EIF4A3: variants seen among roughly 807,000 people sequenced by gnomAD.
The protein encoded by EIF4A3 is eukaryotic initiation factor 4A-III.
A neutral mutation model predicts 55.6 loss-of-function variants in EIF4A3; 1 was observed. The observed-to-expected ratio is 0.02, with a 90% confidence interval of 0.01 to 0.09. The LOEUF (loss-of-function observed/expected upper bound fraction) is 0.09, where lower values mean the gene tolerates loss of function less well. EIF4A3 is among the 10% of genes least tolerant of loss of function. EIF4A3 has a pLI of 1.00. For missense variants in EIF4A3, 221 were observed against 540.7 expected (o/e 0.41, Z 5.86); for synonymous variants, 194 against 196.3 (o/e 0.99, Z 0.10).
In EIF4A3 at chr17:80,138,163, G is replaced by T. The variant is rs1264235819; in HGVS notation, c.846C>A (p.Ile282=). ...YDTLTITQAV[I]FCNTKRKVDW... ...TTACCTTTCTTTTGGTGTTGCAGAA[G>T]ATGACCGCCTGAGTGATGGTCAGTG... The change falls in exon 8 of 12, where the codon ATC becomes ATA. Residue 282 remains isoleucine, a synonymous_variant. Coordinates refer to ENST00000649764, the MANE Select transcript of EIF4A3 (RefSeq NM_014740.4). 1 of 1,614,056 alleles carries T rather than the reference G, an allele frequency of 6.2e-7. No homozygotes were observed. Among genetic ancestry groups the T allele is most frequent in the Admixed American group, 1.7e-5 (1 of 60,012 alleles).
intron 2 of EIF4A3, among the ~76,000 whole-genome samples, chr17:80,143,518 G>A (rs2039634157): frequency 6.6e-6 from 1 of 152,130 alleles, no homozygotes; most frequent in Non-Finnish European, 1.5e-5. Flanking sequence ...TGAACTGGAG[G>A]ACACCCAGCT....
intron 7 of EIF4A3, chr17:80,138,731 G>C: frequency 2.6e-6 from 1 of 385,834 alleles, no homozygotes; most frequent in South Asian, 2.9e-5. Context: ...TGAGTAGCTG[G>C]GACTATAGGC....
chr17:80,137,604 G>C (rs181217790), intron 8 of EIF4A3, 103 bp from the exon 9 acceptor site: 2 of 852,170 alleles, frequency 2.3e-6, no homozygotes, highest in Non-Finnish European at 3.7e-6. Flanking sequence ...ATCAATATTC[G>C]TAAGGTAACT....
intron 1 of EIF4A3, 48 bp downstream of exon 1, chr17:80,146,745 C>CGCCCCCGACTCGCCCCCGGCTG (rs2039667372): frequency 5.1e-6 from 8 of 1,577,378 alleles, no homozygotes; most frequent in Non-Finnish European, 6.8e-6. Flanking sequence ...GCCCCCGGCT[C>CGCCCCCGACTCGCCCCCGGCTG]GCCCCCGACT....
Position 80,136,656 on chromosome 17 carries a change from G to C in EIF4A3, c.984-321C>G, listed in dbSNP as rs192447008. The C allele has an allele frequency of 8.6e-5, 25 of 290,890 alleles. No individual in the cohort carries two copies. In the Admixed American group the frequency reaches 1.1e-3, roughly 13 times the overall value. The allele number at this position is 290,890 out of a possible 1,614,324, so 18.0% of individuals were successfully genotyped here. On this transcript the variant is annotated intron_variant, in intron 9 of 11. Coordinates refer to ENST00000649764, the MANE Select transcript of EIF4A3 (RefSeq NM_014740.4). ...GGGAAAAATACTTCACTTTTGCCTA[G>C]CAAAAAATTAAAAACGGTAACTTCA... is the stretch of plus-strand genomic sequence containing the variant.
At chr17:80,143,253 C>T (rs2039632128) in intron 2 of EIF4A3, among the ~76,000 whole-genome samples, 1 of 152,020 alleles carries the variant, frequency 6.6e-6, no homozygotes, top group Admixed American at 6.5e-5. Flanking sequence ...GAGGCTGCAC[C>T]CCTCCCCCCA....
At chr17:80,144,331 T>C in intron 1 of EIF4A3, 87 bp from the exon 2 acceptor site, 1 of 1,313,492 alleles carries the variant, frequency 7.6e-7, no homozygotes, top group Non-Finnish European at 1.1e-6. Context: ...AGACATGGTT[T>C]GTTTTTTGAA....
intron 2 of EIF4A3, among the ~76,000 whole-genome samples, chr17:80,143,809 G>A (rs550659927): frequency 0.03 from 4,574 of 151,024 alleles, 109 homozygotes; most frequent in East Asian, 0.14. Flanking sequence ...TGAAACCCCC[G>A]TCTCTACTAA....
chr17:80,135,837 G>C, intron 11 of EIF4A3, 167 bp downstream of exon 11: 1 of 836,940 alleles, frequency 1.2e-6, no homozygotes. Context: ...AGAGGTTGCA[G>C]TGAGCCGAAA....
Position 80,135,367 on chromosome 17 carries a change from C to G in EIF4A3, c.*123G>C. 8.9e-7 allele frequency: 1 copy of G among 1,126,522 alleles called. No homozygotes were observed. Among genetic ancestry groups the G allele is most frequent in the Non-Finnish European group, 1.2e-6 (1 of 815,432 alleles). The allele number at this position is 1,126,522 out of a possible 1,614,324, so 69.8% of individuals were successfully genotyped here. A position where few individuals can be genotyped will look rare whatever the true frequency, so the allele number is the denominator to read the frequency against. On this transcript the variant is annotated 3_prime_UTR_variant, in exon 12 of 12. Transcript: ENST00000649764. ...CATATCCTCTTCAAAGGAAGGGAGACGGCAGGCCATTTATGAGAAGAAAGT... is the reference window on the plus strand; with the variant it reads ...CATATCCTCTTCAAAGGAAGGGAGAGGGCAGGCCATTTATGAGAAGAAAGT...
At chr17:80,137,047 G>T (rs1047969303) in intron 9 of EIF4A3, 1 of 194,948 alleles carries the variant, frequency 5.1e-6, no homozygotes, top group Non-Finnish European at 1.0e-5. Context: ...TCAAATGAAT[G>T]AAACCACCCA....
intron 1 of EIF4A3, among the ~76,000 whole-genome samples, chr17:80,145,562 G>A (rs758030887): frequency 3.9e-5 from 6 of 152,106 alleles, no homozygotes; most frequent in Admixed American, 6.5e-5. Context: ...AGGACTGTCA[G>A]AAGGAAAAGG....
At chr17:80,141,874 G>T in intron 2 of EIF4A3, 26 bp from the exon 3 acceptor site, 1 of 1,608,588 alleles carries the variant, frequency 6.2e-7, no homozygotes, top group Non-Finnish European at 8.5e-7. Context: ...AAAGCAGTGG[G>T]ATTAGAGGGA....
intron 1 of EIF4A3, among the ~76,000 whole-genome samples, chr17:80,145,297 G>A (rs1470652771): frequency 6.6e-6 from 1 of 152,178 alleles, no homozygotes; most frequent in Non-Finnish European, 1.5e-5. Context: ...AGGTGGGGTG[G>A]CTCACACCTG....
chr17:80,136,403 A>T, intron 9 of EIF4A3, 68 bp from the exon 10 acceptor site: 1 of 1,326,628 alleles, frequency 7.5e-7, no homozygotes, highest in Non-Finnish European at 1.1e-6. Flanking sequence ...ACTTGCTTCC[A>T]TTGCTAATTT....
chr17:80,138,311 C>A (rs766794561), intron 7 of EIF4A3, 31 bp from the exon 8 acceptor site: 2 of 1,610,552 alleles, frequency 1.2e-6, no homozygotes, highest in Non-Finnish European at 1.7e-6. Context: ...CTGTTACATA[C>A]TCATCCTTCC....
chr17:80,143,486 T>C (rs1035462850), intron 2 of EIF4A3, among the ~76,000 whole-genome samples: 4 of 152,110 alleles, frequency 2.6e-5, no homozygotes, highest in Non-Finnish European at 5.9e-5. Flanking sequence ...ATATGGCCTA[T>C]CTCCAGGCAG....
chr17:80,142,723 T>G (rs1467316714), intron 2 of EIF4A3, among the ~76,000 whole-genome samples: 2 of 151,886 alleles, frequency 1.3e-5, no homozygotes, highest in Non-Finnish European at 2.9e-5. Flanking sequence ...CCCGCCTGGG[T>G]GACGAAGTGA....
In EIF4A3 at chr17:80,138,267, G is replaced by A. The variant is rs568433391; in HGVS notation, c.742C>T (p.Leu248=). The A allele has an allele frequency of 6.2e-7, 1 of 1,613,856 alleles. No homozygotes were observed. The highest frequency in any genetic ancestry group is 1.1e-5 in the South Asian group (1 of 91,060). Residue 248 remains leucine, a synonymous_variant, in exon 8 of 12, where the codon CTG becomes TTG. Coordinates refer to ENST00000649764, the MANE Select transcript of EIF4A3 (RefSeq NM_014740.4). ...ACGAAAAATTGCTTGATGCCTTCCA[G>A]AGTCAATTCATCACTGAAGGACAAA... ...RILVKRDELT[L]EGIKQFFVAV...
Sources: allele counts gnomAD v4.1 joint callset (sites outside exome capture counted in the v4.1 genomes callset), GRCh38; gene constraint gnomAD v4.1.1; transcripts MANE v1.5; gene names NCBI Gene and HGNC (gene_info 2026-07-23, HGNC 2026-07-21).